Variants in CRACR2A observed in about 807,000 individuals in gnomAD.
The protein encoded by CRACR2A is EF-hand calcium-binding domain-containing protein 4B.
Under a neutral mutation model 90.5 loss-of-function variants are expected in CRACR2A, and 79 were observed. The observed-to-expected ratio is 0.87, with a 90% CI of 0.73 to 1.05. The LOEUF is 1.05. Ranked by LOEUF, CRACR2A falls within the 50% of genes least tolerant of loss-of-function variation. The pLI is 0.00. For missense variants in CRACR2A, 823 were observed against 897.2 expected (o/e 0.92, Z 1.06); for synonymous variants, 338 against 356.7 (o/e 0.95, Z 0.59).
At position 3,673,511 on chromosome 12, in the gene CRACR2A, G is replaced by C; in HGVS notation, c.606C>G (p.Thr202=). 6.2e-7 allele frequency: 1 copy of C among 1,614,110 alleles called. No individual in the cohort carries two copies. Among genetic ancestry groups the C allele is most frequent in the Non-Finnish European group, 8.5e-7 (1 of 1,180,028 alleles). ...HLLSNFEDFL[T]RIISQLQEAH... ...CTTCTTGGAGCTGGGAGATGATTCT[G>C]GTCAGGAAGTCTTCAAAGTTGGACA... Residue 202 remains threonine, a synonymous_variant, in exon 7 of 20, where the codon ACC becomes ACG. Coordinates refer to ENST00000440314, the MANE Select transcript of CRACR2A (RefSeq NM_001144958.2).
rs538190959 is a variant in CRACR2A at position 3,678,920 on chromosome 12, C to T, written c.519G>A (p.Leu173=). The T allele has an allele frequency of 3.1e-6, 5 of 1,605,884 alleles. No individual in the cohort carries two copies. The highest frequency in any genetic ancestry group is 3.4e-5 in the Admixed American group (2 of 58,444). The part of the protein sequence containing the change: ...LMDRLGAQKV[L]EDESDVKQLW... ...AAATCACTGTCACCACTTACTCTTC[C>T]AACACCTTTTGGGCTCCAAGTCTGT... Residue 173 remains leucine (L), a synonymous_variant, in exon 6 of 20, where the codon TTG becomes TTA. Transcript: ENST00000440314.
intron 1 of CRACR2A, among the ~76,000 whole-genome samples, chr12:3,734,132 G>A (rs769292737): frequency 2.0e-5 from 3 of 151,532 alleles, no homozygotes; most frequent in African/African-American, 7.3e-5. Flanking sequence ...CACCACACCC[G>A]GCTAATTTTT....
At chr12:3,648,749 G>T (rs1380661181) in intron 10 of CRACR2A, 136 bp from the exon 11 acceptor site, 2 of 1,272,752 alleles carry the variant, frequency 1.6e-6, no homozygotes, top group Non-Finnish European at 2.1e-6. Context: ...CTCCTGGAGA[G>T]CTCCTACAGT....
At chr12:3,661,342 C>G (rs1945032214) in intron 7 of CRACR2A, among the ~76,000 whole-genome samples, 2 of 152,164 alleles carry the variant, frequency 1.3e-5, no homozygotes, top group African/African-American at 2.4e-5. Context: ...TTGGAGTTCC[C>G]TTGCTTGGCT....
At chr12:3,707,390 T>C (rs1945943331) in intron 3 of CRACR2A, among the ~76,000 whole-genome samples, 1 of 152,226 alleles carries the variant, frequency 6.6e-6, no homozygotes, top group African/African-American at 2.4e-5. Context: ...TAAGATACAT[T>C]AAAAGCCTTG....
intron 3 of CRACR2A, among the ~76,000 whole-genome samples, chr12:3,698,180 AT>A (rs542810804): frequency 1.3e-4 from 19 of 151,984 alleles, no homozygotes; most frequent in East Asian, 9.7e-4. Context: ...ACATCCTTGG[AT>A]TTTTTTTTCC....
At chr12:3,666,330 CGTGTGTGTGTGT>C (rs750488682) in intron 7 of CRACR2A, among the ~76,000 whole-genome samples, 12 of 139,582 alleles carry the variant, frequency 8.6e-5, no homozygotes, top group Admixed American at 2.9e-4. Flanking sequence ...AGGACGGCTG[CGTGTGTGTGTGT>C]GTGTGTGTGT....
chr12:3,678,925 C>G lies in CRACR2A; in HGVS notation c.514G>C (p.Val172Leu), dbSNP rs199641669. The change falls in exon 6 of 20, where the codon GTG (valine) becomes CTG (leucine). Residue 172 changes from valine to leucine, a missense_variant. Val to Leu is a conservative substitution (Grantham distance 32). Coordinates refer to ENST00000440314, the MANE Select transcript of CRACR2A (RefSeq NM_001144958.2). The stretch of plus-strand genomic sequence containing the variant: ...ACTGTCACCACTTACTCTTCCAACA[C>G]CTTTTGGGCTCCAAGTCTGTCCATC... Reference protein sequence around the residue: ...MLMDRLGAQKVLEDESDVKQL... With the variant: ...MLMDRLGAQKLLEDESDVKQL... 1 of 1,607,808 alleles carries G rather than the reference C, an allele frequency of 6.2e-7. No homozygotes were observed. The highest frequency in any genetic ancestry group is 8.5e-7 in the Non-Finnish European group (1 of 1,177,764).
chr12:3,628,675 A>G (rs988339856), intron 15 of CRACR2A, among the ~76,000 whole-genome samples: 1 of 152,204 alleles, frequency 6.6e-6, no homozygotes, highest in Non-Finnish European at 1.5e-5. Context: ...GCAAAGGCAT[A>G]AAGAGGTTCG....
intron 4 of CRACR2A, 36 bp downstream of exon 4, chr12:3,696,736 T>C: frequency 6.2e-7 from 1 of 1,613,188 alleles, no homozygotes; most frequent in Non-Finnish European, 8.5e-7. Flanking sequence ...ACATCTGGCA[T>C]TCTCAGTGGG....
In CRACR2A at chr12:3,711,096, T is replaced by G; in HGVS notation, c.-37+2141A>C. 6.6e-6 allele frequency among the ~76,000 whole-genome samples: 1 copy of G among 152,214 alleles called. No individual in the cohort carries two copies. On this transcript the variant is annotated intron_variant, in intron 3 of 19. Transcript: ENST00000440314. This position sits in a 1 kb window ranked among gnomAD's most constrained non-coding sequence, Gnocchi z 4.3. ...CAAAGGCAGAAAGTCCAAAATCTCA[T>G]GTAAATATCATGTAAATTAGATATG...
intron 13 of CRACR2A, among the ~76,000 whole-genome samples, chr12:3,639,995 T>TAC (rs1944535613): frequency 6.6e-6 from 1 of 152,070 alleles, no homozygotes; most frequent in Non-Finnish European, 1.5e-5. Context: ...CAACTACGCA[T>TAC]ACACACACAC....
chr12:3,694,143 T>C (rs927728626), intron 4 of CRACR2A, among the ~76,000 whole-genome samples: 1 of 152,234 alleles, frequency 6.6e-6, no homozygotes, highest in Admixed American at 6.5e-5. Context: ...CCACTCTCAG[T>C]GTCTTCCCTC....
chr12:3,734,629 A>ATGTGTG (rs59680765), intron 1 of CRACR2A, among the ~76,000 whole-genome samples: 5,430 of 149,554 alleles, frequency 0.036, 298 homozygotes, highest in African/African-American at 0.12. Context: ...AGGTGTGTGT[A>ATGTGTG]TGTGTGTGTG....
chr12:3,649,793 G>A (rs867117231), intron 10 of CRACR2A, among the ~76,000 whole-genome samples: 2 of 151,686 alleles, frequency 1.3e-5, no homozygotes, highest in African/African-American at 4.9e-5. Flanking sequence ...AAAGAGGTGA[G>A]GGGGAGCAAA....
chr12:3,718,084 T>C (rs992367323), intron 2 of CRACR2A, among the ~76,000 whole-genome samples: 7 of 152,242 alleles, frequency 4.6e-5, no homozygotes, highest in African/African-American at 1.7e-4. Flanking sequence ...GTGTTAAACA[T>C]GGATGATAAC....
intron 4 of CRACR2A, among the ~76,000 whole-genome samples, chr12:3,691,418 T>C (rs1176320253): frequency 6.6e-6 from 1 of 152,262 alleles, no homozygotes; most frequent in Non-Finnish European, 1.5e-5. Flanking sequence ...TTTGGCTGGA[T>C]ATGAAATTCT....
intron 4 of CRACR2A, among the ~76,000 whole-genome samples, chr12:3,689,117 G>T (rs1945611983): frequency 6.6e-6 from 1 of 152,154 alleles, no homozygotes; most frequent in Admixed American, 6.6e-5. Context: ...TTTTTTAGAT[G>T]TAGAATCATG....
rs150027786 is a variant in CRACR2A at position 3,628,227 on chromosome 12, C to CTCTTTCTT, written c.1736-529_1736-522dup. 2.8e-3 allele frequency among the ~76,000 whole-genome samples: 426 copies of CTCTTTCTT among 149,632 alleles called. 1 individual carries two copies. The highest frequency in any genetic ancestry group is 4.1e-3 in the Non-Finnish European group (277 of 67,594). On this transcript the variant is annotated intron_variant, in intron 15 of 19. Transcript: ENST00000440314. ...TCTCTTCCTCTCTTCCTTCCTTTCTCTCTTTCTTTCTTTCTTTCCTTCTTT... is the reference window on the plus strand; with the variant it reads ...TCTCTTCCTCTCTTCCTTCCTTTCTCTCTTTCTTTCTTTCTTTCTTTCTTTCCTTCTTT...
Sources: gnomAD v4.1 joint callset for allele counts (sites outside exome capture counted in the v4.1 genomes callset) on GRCh38, gnomAD v4.1.1 for gene constraint, Gnocchi (gnomAD v3.1) non-coding constraint, MANE v1.5 for transcripts, NCBI Gene and HGNC (gene_info 2026-07-23, HGNC 2026-07-21) for gene names.